The following TCTN2 variants were observed in gnomAD, a reference collection of about 807,000 sequenced individuals.
TCTN2 encodes the protein tectonic-2.
TCTN2 carries 66 observed loss-of-function variants against 83.4 expected under a neutral mutation model. The observed-to-expected ratio is 0.79, with a 90% CI of 0.65 to 0.97. TCTN2 has a LOEUF of 0.97. Ranked by LOEUF, TCTN2 falls within the 50% of genes least tolerant of loss-of-function variation. The pLI is 0.00. For missense variants in TCTN2, 794 were observed against 858.1 expected (o/e 0.93, Z 0.93); for synonymous variants, 301 against 326.7 (o/e 0.92, Z 0.85).
chr12:123,697,938 GCAGCCC>G (rs1956129813), intron 13 of TCTN2, among the ~76,000 whole-genome samples: 1 of 149,860 alleles, frequency 6.7e-6, no homozygotes, highest in South Asian at 2.1e-4. Context: ...ATGGCTTACT[GCAGCCC>G]CAACCTCCCC....
chr12:123,687,322 T>C (rs988686571), intron 6 of TCTN2, among the ~76,000 whole-genome samples: 2 of 152,218 alleles, frequency 1.3e-5, no homozygotes, highest in Non-Finnish European at 2.9e-5. Flanking sequence ...TTCTGTATTT[T>C]ACAGTTTGGG....
intron 5 of TCTN2, among the ~76,000 whole-genome samples, chr12:123,684,324 T>C (rs1454410104): frequency 6.6e-6 from 1 of 152,020 alleles, no homozygotes; most frequent in African/African-American, 2.4e-5. Context: ...TCTTAGCAAA[T>C]TTTTAAGTGT....
At chr12:123,678,837 G>A (rs1015226478) in intron 4 of TCTN2, among the ~76,000 whole-genome samples, 5 of 150,862 alleles carry the variant, frequency 3.3e-5, no homozygotes, top group Non-Finnish European at 5.9e-5. Context: ...TCACTGTGTC[G>A]CCCAGGTTGG....
chr12:123,676,046 A>C (rs545395154), intron 4 of TCTN2, among the ~76,000 whole-genome samples: 76 of 152,244 alleles, frequency 5.0e-4, no homozygotes, highest in African/African-American at 1.8e-3. Flanking sequence ...TTAGAGGCTG[A>C]GGTGAGTGGG....
rs1356875736 is a variant in TCTN2 at position 123,673,475 on chromosome 12, T to A, written c.268-140T>A. ...TAGGTTTATGGGGGGGAACTGAAGA[T>A]AACTGTGTCATCTCTGTATACATTT... On this transcript the variant is annotated intron_variant, in intron 3 of 17. Coordinates refer to ENST00000303372, the MANE Select transcript of TCTN2 (RefSeq NM_024809.5). 2.9e-5 allele frequency: 24 copies of A among 816,548 alleles called. No homozygotes were observed. The East Asian group carries it at 6.3e-4, about 21-fold the overall frequency. 50.6% of individuals were successfully genotyped at this position (816,548 alleles called of 1,614,324 possible).
chr12:123,693,613 C>T (rs113674520), intron 9 of TCTN2, among the ~76,000 whole-genome samples: 104 of 150,820 alleles, frequency 6.9e-4, no homozygotes, highest in Middle Eastern at 3.5e-3. Flanking sequence ...CCACCATATG[C>T]CTGGCTAATT....
chr12:123,673,604 T>C lies in TCTN2; in HGVS notation c.268-11T>C. 1 of 1,614,146 alleles carries C rather than the reference T, an allele frequency of 6.2e-7. No homozygotes were observed. Among genetic ancestry groups the C allele is most frequent in the Non-Finnish European group, 8.5e-7 (1 of 1,179,978 alleles). ...AGTCACTTTAAAAATACAGCAATGT[T>C]TTCCTTTCAGAAGGTGTTGGAAGTG... On this transcript the variant is annotated splice_polypyrimidine_tract_variant and intron_variant, in intron 3 of 17. Transcript: ENST00000303372.
rs973334362 is a variant in TCTN2, at chr12:123,672,281, T to A, written c.267+149T>A. On this transcript the variant is annotated intron_variant, in intron 3 of 17. Transcript: ENST00000303372. ...GGCTGTTGGATCTGGTAGACACTTATCCAGCCCACGGGTTCCTTACCCTGG... is the reference window on the plus strand; with the variant it reads ...GGCTGTTGGATCTGGTAGACACTTAACCAGCCCACGGGTTCCTTACCCTGG... 3 of 779,606 alleles carry A rather than the reference T, an allele frequency of 3.8e-6. No individual in the cohort carries two copies. The African/African-American group carries it at 5.1e-5, about 13-fold the overall frequency. The allele number at this position is 779,606 out of a possible 1,614,324, so 48.3% of individuals were successfully genotyped here. A position where few individuals can be genotyped will look rare whatever the true frequency, so the allele number is the denominator to read the frequency against.
intron 13 of TCTN2, among the ~76,000 whole-genome samples, chr12:123,698,734 A>G (rs746965464): frequency 6.6e-6 from 1 of 152,162 alleles, no homozygotes; most frequent in East Asian, 1.9e-4. Context: ...CCCGGCCTGC[A>G]TGCACTCTTA....
At position 123,671,338 on chromosome 12, in the gene TCTN2, C is replaced by T. The variant is rs753634346; in HGVS notation, c.82+16C>T. 4 of 1,613,112 alleles carry T rather than the reference C, an allele frequency of 2.5e-6. No individual in the cohort carries two copies. The highest frequency in any genetic ancestry group is 3.4e-6 in the Non-Finnish European group (4 of 1,179,610). The stretch of plus-strand genomic sequence containing the variant: ...GGGGACCTGGGTGTGTACGGCGCGG[C>T]AGTGACCTCGGTGGGCCGGGGCTGA... On this transcript the variant is annotated intron_variant, in intron 1 of 17. Coordinates refer to ENST00000303372, the MANE Select transcript of TCTN2 (RefSeq NM_024809.5).
rs547466692 is a variant in TCTN2, at chr12:123,677,955, T to A, written c.464-1234T>A. ...ACCTGTACAAACTCTTACGTGTGTT[T>A]CAGGCTCAGCGCATTCTCTCTCTCT... On this transcript the variant is annotated intron_variant, in intron 4 of 17. Transcript: ENST00000303372. 2.8e-4 allele frequency among the ~76,000 whole-genome samples: 43 copies of A among 152,328 alleles called. 1 individual carries two copies. Among genetic ancestry groups the A allele is most frequent in the African/African-American group, 9.6e-4 (40 of 41,588 alleles).
chr12:123,684,638 G>T (rs966565659), intron 5 of TCTN2, among the ~76,000 whole-genome samples: 40 of 152,014 alleles, frequency 2.6e-4, no homozygotes, highest in Admixed American at 2.5e-3. Flanking sequence ...GACTGCAAGT[G>T]ATCTACCCAC....
chr12:123,703,286 A>AT (rs1956193304), intron 14 of TCTN2, among the ~76,000 whole-genome samples: 1 of 151,080 alleles, frequency 6.6e-6, no homozygotes, highest in Non-Finnish European at 1.5e-5. Flanking sequence ...GTTTCAAGTG[A>AT]TTCTCCTGCC....
intron 4 of TCTN2, among the ~76,000 whole-genome samples, chr12:123,674,988 C>T (rs566068585): frequency 4.2e-4 from 64 of 152,282 alleles, no homozygotes; most frequent in African/African-American, 1.5e-3. Flanking sequence ...GGCGATCCTC[C>T]TGCCACAGCC....
rs7980060 is a variant in TCTN2 at position 123,671,146 on chromosome 12, G to A, written c.-95G>A. On this transcript the variant is annotated 5_prime_UTR_variant, in exon 1 of 18. Transcript: ENST00000303372. Reference sequence around the variant, plus strand: ...GGGCGTTCGCTTGCAAGATGGCGGCGGCGGGGCAGTGGCTGCTGCGTTTTC... The same window carrying A: ...GGGCGTTCGCTTGCAAGATGGCGGCAGCGGGGCAGTGGCTGCTGCGTTTTC... 6,710 of 1,228,970 alleles carry A rather than the reference G, an allele frequency of 5.5e-3. 279 individuals are homozygous for A. The African/African-American group carries it at 0.09, about 16-fold the overall frequency. The allele number at this position is 1,228,970 out of a possible 1,614,324, so 76.1% of individuals were successfully genotyped here.
chr12:123,688,352 A>G (rs1193394972), intron 7 of TCTN2, among the ~76,000 whole-genome samples, 175 bp downstream of exon 7: 1 of 151,482 alleles, frequency 6.6e-6, no homozygotes, highest in Non-Finnish European at 1.5e-5. Context: ...AGTAGCTGGG[A>G]CTACAGGTGT....
Position 123,677,635 on chromosome 12 carries a change from A to G in TCTN2, c.464-1554A>G, listed in dbSNP as rs7308639. Among the ~76,000 whole-genome samples the G allele has an allele frequency of 9.1e-3, 1,392 of 152,188 alleles. 27 individuals carry two copies. Among genetic ancestry groups the G allele is most frequent in the African/African-American group, 0.032 (1,311 of 41,518 alleles). ...GAGTTATAAACAACGGGCCCTGCCA[A>G]TGTTTACCTTTTTAGCATTTCTCCT... On this transcript the variant is annotated intron_variant, in intron 4 of 17. Coordinates refer to ENST00000303372, the MANE Select transcript of TCTN2 (RefSeq NM_024809.5).
rs1391047413 is a variant in TCTN2 at position 123,673,679 on chromosome 12, A to G, written c.332A>G (p.Asp111Gly). Residue 111 changes from aspartate (D) to glycine (G), a missense_variant, in exon 4 of 18, where the codon GAT (aspartate) becomes GGT (glycine). By Grantham distance (94) the Asp-to-Gly change is moderately conservative. Coordinates refer to ENST00000303372, the MANE Select transcript of TCTN2 (RefSeq NM_024809.5). Reference sequence around the variant, plus strand: ...GACTGGTGTTCCTCCAATGAGACAGATTCCTTCTCAGAGTCCCCCTGTATC... The same window carrying G: ...GACTGGTGTTCCTCCAATGAGACAGGTTCCTTCTCAGAGTCCCCCTGTATC... ...GLDWCSSNET[D>G]SFSESPCILQ... 1 of 1,614,106 alleles carries G rather than the reference A, an allele frequency of 6.2e-7. No individual in the cohort carries two copies. Among genetic ancestry groups the G allele is most frequent in the Non-Finnish European group, 8.5e-7 (1 of 1,180,054 alleles).
At chr12:123,683,491 G>T (rs866497982) in intron 5 of TCTN2, among the ~76,000 whole-genome samples, 1 of 151,736 alleles carries the variant, frequency 6.6e-6, no homozygotes, top group Non-Finnish European at 1.5e-5. Flanking sequence ...GTGTTGGCCA[G>T]GCTGGTCTTG....
Sources: allele counts gnomAD v4.1 joint callset (sites outside exome capture counted in the v4.1 genomes callset), GRCh38; gene constraint gnomAD v4.1.1; transcripts MANE v1.5; gene names NCBI Gene and HGNC (gene_info 2026-07-23, HGNC 2026-07-21).